Variants in QTMAN observed in about 807,000 individuals in gnomAD.
QTMAN encodes the protein queuosine-tRNA mannosyltransferase.
the QTMAN span, among the ~76,000 whole-genome samples, chr2:144,216,629 G>A: frequency 6.6e-6 from 1 of 152,036 alleles, no homozygotes; most frequent in African/African-American, 2.4e-5. Context: ...CTTTTTTATT[G>A]TTGACAGAAG....
chr2:144,213,022 C>T, the QTMAN span, among the ~76,000 whole-genome samples: 9 of 151,982 alleles, frequency 5.9e-5, no homozygotes, highest in African/African-American at 1.9e-4. Context: ...TATTCATAAT[C>T]GAAAGGGGAT....
chr2:143,981,095 C>T, the QTMAN span, among the ~76,000 whole-genome samples: 2 of 152,214 alleles, frequency 1.3e-5, no homozygotes, highest in Non-Finnish European at 2.9e-5. Flanking sequence ...CCTGCACTAA[C>T]ATTCATATAC....
the QTMAN span, among the ~76,000 whole-genome samples, chr2:143,996,678 G>A: frequency 1.3e-5 from 2 of 152,130 alleles, no homozygotes; most frequent in Admixed American, 6.5e-5. Context: ...CAAGTTTGAG[G>A]GTAAGTGGCA....
chr2:144,303,159 A>C, the QTMAN span, among the ~76,000 whole-genome samples: 1 of 152,196 alleles, frequency 6.6e-6, no homozygotes, highest in Non-Finnish European at 1.5e-5. Flanking sequence ...GACTTTGAAG[A>C]ATGGTGAAGC....
chr2:144,023,601 T>C, the QTMAN span, among the ~76,000 whole-genome samples: 1 of 152,238 alleles, frequency 6.6e-6, no homozygotes, highest in Non-Finnish European at 1.5e-5. Flanking sequence ...AGAAGAGTTT[T>C]TTACTTTCCA....
At chr2:144,159,966 A>C in the QTMAN span, among the ~76,000 whole-genome samples, 1 of 152,130 alleles carries the variant, frequency 6.6e-6, no homozygotes. Context: ...AACAAAAGGC[A>C]AAAATAACAA....
chr2:144,053,264 T>G, the QTMAN span, among the ~76,000 whole-genome samples: 10 of 152,310 alleles, frequency 6.6e-5, no homozygotes, highest in African/African-American at 1.9e-4. Flanking sequence ...CAGTGTTAAA[T>G]GTACTGTGGG....
chr2:144,193,636 A>G, the QTMAN span, among the ~76,000 whole-genome samples: 1 of 151,740 alleles, frequency 6.6e-6, no homozygotes, highest in South Asian at 2.1e-4. Flanking sequence ...TCGTCCCACC[A>G]CAGCCTCCCA....
the QTMAN span, among the ~76,000 whole-genome samples, chr2:143,986,156 A>G: frequency 6.6e-6 from 1 of 152,216 alleles, no homozygotes; most frequent in Non-Finnish European, 1.5e-5. Context: ...ATTCAAAACA[A>G]TCTCTAACAA....
At chr2:144,092,870 GGTGTGTGT>G in the QTMAN span, among the ~76,000 whole-genome samples, 31 of 140,726 alleles carry the variant, frequency 2.2e-4, no homozygotes, top group East Asian at 5.7e-3. Flanking sequence ...AAACTTTTGG[GGTGTGTGT>G]GTGTGTGTGT....
At chr2:143,979,712 A>G in the QTMAN span, among the ~76,000 whole-genome samples, 1 of 152,234 alleles carries the variant, frequency 6.6e-6, no homozygotes, top group African/African-American at 2.4e-5. Flanking sequence ...TATCTACATC[A>G]GCACATATAG....
At chr2:144,133,242 TATAA>T in the QTMAN span, among the ~76,000 whole-genome samples, 8 of 50,422 alleles carry the variant, frequency 1.6e-4, no homozygotes, top group South Asian at 2.8e-3. Context: ...TATATTTATA[TATAA>T]ATATATATAA....
the QTMAN span, among the ~76,000 whole-genome samples, chr2:144,254,361 G>T: frequency 6.6e-6 from 1 of 152,196 alleles, no homozygotes; most frequent in African/African-American, 2.4e-5. Context: ...GGCAGAGGTT[G>T]CAGTGAGCTG....
At chr2:144,177,272 T>C in the QTMAN span, 3 of 657,736 alleles carry the variant, frequency 4.6e-6, no homozygotes, top group East Asian at 2.7e-5. Flanking sequence ...AAAAACATTG[T>C]TTTTGTTTAT....
chr2:144,220,801 A>T, the QTMAN span, among the ~76,000 whole-genome samples: 1 of 152,208 alleles, frequency 6.6e-6, no homozygotes, highest in Non-Finnish European at 1.5e-5. Context: ...CAAACTACTA[A>T]AACTAGGCAT....
the QTMAN span, among the ~76,000 whole-genome samples, chr2:144,253,479 T>C: frequency 6.6e-6 from 1 of 152,172 alleles, no homozygotes; most frequent in Non-Finnish European, 1.5e-5. Context: ...TAGAGACTTG[T>C]TGAATGTCTT....
At chr2:144,155,205 A>G in the QTMAN span, among the ~76,000 whole-genome samples, 1 of 152,154 alleles carries the variant, frequency 6.6e-6, no homozygotes, top group African/African-American at 2.4e-5. Context: ...TCACCATCGT[A>G]AAGTATTCAA....
the QTMAN span, among the ~76,000 whole-genome samples, chr2:144,122,967 C>T: frequency 1.3e-5 from 2 of 152,160 alleles, no homozygotes; most frequent in South Asian, 2.1e-4. Context: ...CATGGACACA[C>T]ACATACACAC....
chr2:144,237,432 T>C, the QTMAN span: 1 of 152,082 alleles, frequency 6.6e-6, no homozygotes, highest in Non-Finnish European at 1.5e-5. Context: ...TATACCTAGA[T>C]TGAATGATAA....
Sources: gnomAD v4.1 joint callset for allele counts (sites outside exome capture counted in the v4.1 genomes callset) on GRCh38, gnomAD v4.1.1 for gene constraint, MANE v1.5 for transcripts, NCBI Gene and HGNC (gene_info 2026-07-23, HGNC 2026-07-21) for gene names.